The following ASIC2 variants were observed in gnomAD, a reference collection of about 807,000 sequenced individuals.
ASIC2 encodes the protein acid sensing ion channel subunit 2, also known as acid-sensing ion channel 2.
A neutral mutation model predicts 57.3 loss-of-function variants in ASIC2; 25 were observed. The observed-to-expected ratio is 0.44, with a 90% CI of 0.32 to 0.61. ASIC2 has a LOEUF of 0.61. Ranked by LOEUF, ASIC2 falls within the 20% of genes least tolerant of loss-of-function variation. The pLI is 0.06. For synonymous variants in ASIC2, 319 were observed against 307.5 expected (o/e 1.04, Z -0.39); for missense variants, 641 against 738.1 (o/e 0.87, Z 1.52).
At chr17:33,719,886 T>A (rs1232668385) in intron 1 of ASIC2, among the ~76,000 whole-genome samples, 1 of 152,204 alleles carries the variant, frequency 6.6e-6, no homozygotes, top group Admixed American at 6.5e-5. Context: ...GGGAAACTTT[T>A]AAATTTTTTT....
At chr17:33,513,054 C>A (rs1914472753) in intron 1 of ASIC2, among the ~76,000 whole-genome samples, 1 of 152,146 alleles carries the variant, frequency 6.6e-6, no homozygotes, top group Non-Finnish European at 1.5e-5. Context: ...GATCATTCTA[C>A]AAAGTAACGG....
intron 3 of ASIC2, among the ~76,000 whole-genome samples, chr17:33,032,438 C>CTTTTTT (rs1336737148): frequency 4.8e-5 from 4 of 83,618 alleles, no homozygotes; most frequent in Non-Finnish European, 7.1e-5. Flanking sequence ...CTATAATACA[C>CTTTTTT]TGTTTTTTTT....
chr17:33,185,564 A>G (rs543014492), intron 1 of ASIC2, among the ~76,000 whole-genome samples: 1 of 152,184 alleles, frequency 6.6e-6, no homozygotes, highest in South Asian at 2.1e-4. Context: ...AGGGAGGGAG[A>G]ACCCTAGCTG....
chr17:33,893,897 C>T (rs916674359), intron 1 of ASIC2, among the ~76,000 whole-genome samples: 1 of 152,212 alleles, frequency 6.6e-6, no homozygotes, highest in African/African-American at 2.4e-5. Context: ...TGGTGACCCT[C>T]TCCATTTGTT....
At chr17:33,203,316 T>G (rs972529028) in intron 1 of ASIC2, among the ~76,000 whole-genome samples, 1 of 152,220 alleles carries the variant, frequency 6.6e-6, no homozygotes, top group Non-Finnish European at 1.5e-5. Context: ...TTTCAAAGCT[T>G]ATTTTTTTAG....
At chr17:33,074,649 G>C (rs1402729946) in intron 3 of ASIC2, among the ~76,000 whole-genome samples, 1 of 152,178 alleles carries the variant, frequency 6.6e-6, no homozygotes, top group African/African-American at 2.4e-5. Context: ...AATGGTTAGA[G>C]CCAGGCGTTG....
At chr17:33,658,451 G>A (rs945273362) in intron 1 of ASIC2, among the ~76,000 whole-genome samples, 11 of 152,190 alleles carry the variant, frequency 7.2e-5, no homozygotes, top group Admixed American at 6.5e-5. Context: ...GAATGGGAGA[G>A]CAGGCATGTG....
At chr17:33,436,853 CTTTTTTTTTTTT>C (rs71144877) in intron 1 of ASIC2, among the ~76,000 whole-genome samples, 1 of 66,616 alleles carries the variant, frequency 1.5e-5, no homozygotes, top group African/African-American at 5.0e-5. Context: ...ATTCCAACTT[CTTTTTTTTTTTT>C]TTTTTTTTTT....
chr17:33,031,655 A>G (rs1363709548), intron 3 of ASIC2, among the ~76,000 whole-genome samples: 1 of 152,130 alleles, frequency 6.6e-6, no homozygotes, highest in African/African-American at 2.4e-5. Context: ...TATCTTTACT[A>G]ATTTTTTCAT....
At chr17:33,634,711 T>TTTC (rs1491535850) in intron 1 of ASIC2, 80 of 35,158 alleles carry the variant, frequency 2.3e-3, no homozygotes, top group Non-Finnish European at 4.1e-3. Flanking sequence ...TCTTTCTTTC[T>TTTC]TTTTTTTTTT....
chr17:34,091,217 C>T (rs561474206), intron 1 of ASIC2, among the ~76,000 whole-genome samples: 90 of 152,384 alleles, frequency 5.9e-4, no homozygotes, highest in African/African-American at 2.1e-3. Flanking sequence ...AAAGTCTCAA[C>T]CTCTTTGTGC....
chr17:33,838,685 T>A (rs756393662), intron 1 of ASIC2, among the ~76,000 whole-genome samples: 7 of 152,172 alleles, frequency 4.6e-5, no homozygotes, highest in Non-Finnish European at 7.3e-5. Context: ...ACTGGAGTGC[T>A]AGCAGCATGT....
At chr17:33,911,605 A>G (rs556189571) in intron 1 of ASIC2, among the ~76,000 whole-genome samples, 17 of 152,302 alleles carry the variant, frequency 1.1e-4, no homozygotes, top group Non-Finnish European at 1.8e-4. Flanking sequence ...TGATCTTCAT[A>G]TAGGAGACTG....
chr17:34,113,901 T>C lies in ASIC2; in HGVS notation c.555+42077A>G, dbSNP rs150083040. Reference sequence around the variant, plus strand: ...AAATAAAAATACAAAAAGAATAAAATGAGCTTGCTGATTTAGTACTCACTT... The same window carrying C: ...AAATAAAAATACAAAAAGAATAAAACGAGCTTGCTGATTTAGTACTCACTT... On this transcript the variant is annotated intron_variant, in intron 1 of 9. Transcript: ENST00000359872. Among the ~76,000 whole-genome samples, 864 of 152,204 alleles carry C rather than the reference T, an allele frequency of 5.7e-3. 6 individuals carry two copies. Among genetic ancestry groups the C allele is most frequent in the African/African-American group, 0.019 (806 of 41,544 alleles).
intron 1 of ASIC2, among the ~76,000 whole-genome samples, chr17:33,693,763 G>A (rs1344237205): frequency 1.3e-5 from 2 of 152,196 alleles, no homozygotes; most frequent in East Asian, 3.9e-4. Flanking sequence ...TGGAAGACTT[G>A]GTATAGGTCA....
chr17:34,111,335 T>C lies in ASIC2; in HGVS notation c.555+44643A>G, dbSNP rs1040095797. On this transcript the variant is annotated intron_variant, in intron 1 of 9. Transcript: ENST00000359872. ...TATTATATTATATTATGTTATATTA[T>C]ATATACAGGCACCAAAAATGATAAA... Among the ~76,000 whole-genome samples, 9 of 148,960 alleles carry C rather than the reference T, an allele frequency of 6.0e-5. No homozygotes were observed. The East Asian group carries it at 1.7e-3, about 29-fold the overall frequency.
intron 1 of ASIC2, among the ~76,000 whole-genome samples, chr17:33,311,428 CTGTGTGTGTGTG>C (rs34323667): frequency 6.8e-5 from 10 of 148,048 alleles, no homozygotes; most frequent in Admixed American, 1.3e-4. Context: ...GTCTGTCTAT[CTGTGTGTGTGTG>C]TGTGTGTGTG....
chr17:33,369,961 A>G (rs1404090475), intron 1 of ASIC2, among the ~76,000 whole-genome samples: 2 of 152,206 alleles, frequency 1.3e-5, no homozygotes. Flanking sequence ...TAAATTAATC[A>G]GATTTCTGCA....
Position 33,642,220 on chromosome 17 carries a change from C to CA in ASIC2, c.555+513757_555+513758insT, listed in dbSNP as rs1491571205. Among the ~76,000 whole-genome samples the CA allele has an allele frequency of 3.5e-3, 489 of 139,166 alleles. 4 individuals carry two copies. The highest frequency in any genetic ancestry group is 0.012 in the African/African-American group (435 of 36,986). 91.3% of individuals were successfully genotyped at this position (139,166 alleles called of 152,430 possible). A position where few individuals can be genotyped will look rare whatever the true frequency, so the allele number is the denominator to read the frequency against. On this transcript the variant is annotated intron_variant, in intron 1 of 9. Coordinates refer to the ASIC2 transcript ENST00000359872. The stretch of plus-strand genomic sequence containing the variant: ...GAGCAAAAGGACACCCCCCCCCCCC[C>CA]CACACACAATGGTTATGGCTGCACA...
Sources: allele counts gnomAD v4.1 joint callset (sites outside exome capture counted in the v4.1 genomes callset), GRCh38; gene constraint gnomAD v4.1.1; transcripts MANE v1.5; gene names NCBI Gene and HGNC (gene_info 2026-07-23, HGNC 2026-07-21).